The following AMBRA1 variants were observed in gnomAD, a reference collection of about 807,000 sequenced individuals.
AMBRA1 encodes autophagy and beclin 1 regulator 1, also known as activating molecule in BECN1-regulated autophagy protein 1.
A neutral mutation model predicts 125.4 loss-of-function variants in AMBRA1; 47 were observed. The ratio of observed to expected loss-of-function variants is 0.37; its 90% CI spans 0.30 to 0.48. The LOEUF is 0.48. Among genes scored for constraint, AMBRA1 ranks in the 20% least tolerant of loss-of-function variants. The pLI, the probability that AMBRA1 is intolerant of heterozygous loss-of-function variation, is 0.99. For synonymous variants in AMBRA1, 626 were observed against 655.5 expected (o/e 0.95, Z 0.69); for missense variants, 1,331 against 1,693.4 (o/e 0.79, Z 3.76).
intron 9 of AMBRA1, among the ~76,000 whole-genome samples, chr11:46,501,351 T>A (rs1484258692): frequency 6.6e-6 from 1 of 152,196 alleles, no homozygotes; most frequent in Non-Finnish European, 1.5e-5. Flanking sequence ...TGAGTGAGTG[T>A]GGGTGTGTGC....
At chr11:46,443,253 C>T (rs1169223668) in intron 12 of AMBRA1, among the ~76,000 whole-genome samples, 2 of 152,150 alleles carry the variant, frequency 1.3e-5, no homozygotes, top group Non-Finnish European at 2.9e-5. Flanking sequence ...GGAAAGACTA[C>T]AGTGATGTTA....
intron 1 of AMBRA1, among the ~76,000 whole-genome samples, chr11:46,579,773 C>T (rs1199617003): frequency 6.6e-6 from 1 of 152,180 alleles, no homozygotes; most frequent in African/African-American, 2.4e-5. Context: ...AGTGCAGTGA[C>T]ATGATATCAG....
At chr11:46,575,197 C>T (rs968292664) in intron 1 of AMBRA1, among the ~76,000 whole-genome samples, 8 of 152,112 alleles carry the variant, frequency 5.3e-5, no homozygotes, top group South Asian at 2.1e-4. Flanking sequence ...ATGGCTCACA[C>T]CTGTAATCCC....
intron 9 of AMBRA1, among the ~76,000 whole-genome samples, chr11:46,505,093 C>A (rs1480212582): frequency 6.6e-6 from 1 of 152,142 alleles, no homozygotes; most frequent in African/African-American, 2.4e-5. Context: ...AACAAAGGAA[C>A]AACTGTCTTA....
chr11:46,429,938 G>A (rs903842187), intron 14 of AMBRA1, among the ~76,000 whole-genome samples: 2 of 151,998 alleles, frequency 1.3e-5, no homozygotes, highest in African/African-American at 4.8e-5. Flanking sequence ...ATAAGATTCT[G>A]AGTCATAGAG....
At chr11:46,592,171 G>A (rs1466240562) in intron 1 of AMBRA1, among the ~76,000 whole-genome samples, 1 of 151,830 alleles carries the variant, frequency 6.6e-6, no homozygotes, top group East Asian at 2.0e-4. Context: ...CCGACCTCAG[G>A]TGATCCACCT....
At chr11:46,421,589 A>T (rs1413129716) in intron 14 of AMBRA1, among the ~76,000 whole-genome samples, 5 of 152,202 alleles carry the variant, frequency 3.3e-5, no homozygotes, top group Non-Finnish European at 2.9e-5. Context: ...ACCAATGGAC[A>T]CTTGAACAAT....
chr11:46,398,170 G>C (rs983386713), intron 17 of AMBRA1, among the ~76,000 whole-genome samples: 1 of 152,232 alleles, frequency 6.6e-6, no homozygotes, highest in Admixed American at 6.5e-5. Flanking sequence ...TGAGGCCTAG[G>C]ATGGCCAGTT....
chr11:46,511,817 A>C (rs998682166), intron 8 of AMBRA1, among the ~76,000 whole-genome samples: 13 of 151,962 alleles, frequency 8.6e-5, no homozygotes, highest in Admixed American at 2.0e-4. Context: ...CATTGAAATA[A>C]CTTCTGTTTT....
At chr11:46,418,159 G>A in intron 14 of AMBRA1, 107 bp from the exon 15 acceptor site, 1 of 1,082,760 alleles carries the variant, frequency 9.2e-7, no homozygotes, top group Admixed American at 3.1e-5. Context: ...AAAGGAGGTG[G>A]TTAGGCTGGG....
chr11:46,433,662 G>T lies in AMBRA1; in HGVS notation c.2822-34C>A, dbSNP rs144975864. On this transcript the variant is annotated intron_variant, in intron 13 of 17. Coordinates refer to ENST00000683756, the MANE Select transcript of AMBRA1 (RefSeq NM_001387011.1). ...CAACAAAACAGAGAAATATTTCCTA[G>T]GCTTCTGGCCATTCCAAGGAAACAA... 459 of 1,602,738 alleles carry T rather than the reference G, an allele frequency of 2.9e-4. 1 individual carries two copies. The African/African-American group carries it at 5.3e-3, about 18-fold the overall frequency.
At chr11:46,569,465 A>ATATATAT (rs1351666371) in intron 1 of AMBRA1, among the ~76,000 whole-genome samples, 1 of 147,648 alleles carries the variant, frequency 6.8e-6, no homozygotes. Context: ...ATATATATAT[A>ATATATAT]AAGTGCCAAG....
At chr11:46,527,961 A>G (rs1459408628) in intron 7 of AMBRA1, among the ~76,000 whole-genome samples, 2 of 152,220 alleles carry the variant, frequency 1.3e-5, no homozygotes, top group Non-Finnish European at 2.9e-5. Context: ...CTGGTTATGT[A>G]TCTAAAAGAA....
intron 1 of AMBRA1, among the ~76,000 whole-genome samples, chr11:46,584,334 G>A (rs1475967163): frequency 2.2e-5 from 3 of 139,392 alleles, no homozygotes; most frequent in East Asian, 2.2e-4. Flanking sequence ...GAGAACACAT[G>A]GACACAGGAA....
intron 15 of AMBRA1, among the ~76,000 whole-genome samples, chr11:46,410,873 C>T (rs921760509): frequency 6.6e-6 from 1 of 152,104 alleles, no homozygotes; most frequent in African/African-American, 2.4e-5. Flanking sequence ...GAGGCCGAGG[C>T]GGGCAGATCA....
intron 14 of AMBRA1, among the ~76,000 whole-genome samples, chr11:46,425,496 T>C (rs1410808720): frequency 1.3e-5 from 2 of 152,212 alleles, no homozygotes; most frequent in Non-Finnish European, 2.9e-5. Flanking sequence ...CCTCTCATCA[T>C]GTCTCAGTGC....
At chr11:46,496,268 A>G (rs1950626264) in intron 9 of AMBRA1, among the ~76,000 whole-genome samples, 1 of 152,036 alleles carries the variant, frequency 6.6e-6, no homozygotes, top group Admixed American at 6.6e-5. Flanking sequence ...TTGTAATCTC[A>G]GCTGTTCAGA....
intron 12 of AMBRA1, among the ~76,000 whole-genome samples, chr11:46,435,988 G>A (rs143045899): frequency 6.6e-6 from 1 of 152,268 alleles, no homozygotes; most frequent in African/African-American, 2.4e-5. Context: ...CCACATCATG[G>A]GCCCGGGCAG....
chr11:46,446,573 T>C (rs1323291671), intron 11 of AMBRA1, among the ~76,000 whole-genome samples: 1 of 152,160 alleles, frequency 6.6e-6, no homozygotes, highest in Non-Finnish European at 1.5e-5. Flanking sequence ...ACTACTGAAA[T>C]TTTAGGACAG....
Sources: allele counts gnomAD v4.1 joint callset (sites outside exome capture counted in the v4.1 genomes callset), GRCh38; gene constraint gnomAD v4.1.1; transcripts MANE v1.5; gene names NCBI Gene and HGNC (gene_info 2026-07-23, HGNC 2026-07-21).